EDN1: variants seen among roughly 807,000 people sequenced by gnomAD.
EDN1 encodes endothelin-1.
EDN1 carries 11 observed loss-of-function variants against 21.7 expected under a neutral mutation model. That is an observed-to-expected ratio of 0.51 (90% CI 0.32 to 0.84). EDN1 has a LOEUF of 0.84. Among genes scored for constraint, EDN1 ranks in the 40% least tolerant of loss-of-function variants. The pLI is 0.03. For missense variants in EDN1, 244 were observed against 262.3 expected, an observed-to-expected ratio of 0.93 and a Z score of 0.48; for synonymous variants, 85 against 90.6, an observed-to-expected ratio of 0.94 and a Z score of 0.35.
chr6:12,236,597 CT>C, the EDN1 span, among the ~76,000 whole-genome samples: 4 of 151,958 alleles, frequency 2.6e-5, no homozygotes, highest in Non-Finnish European at 5.9e-5. Context: ...TAGATTTTCA[CT>C]TTAAAAAGGG....
chr6:12,244,276 T>A, the EDN1 span, among the ~76,000 whole-genome samples: 1 of 152,238 alleles, frequency 6.6e-6, no homozygotes, highest in Non-Finnish European at 1.5e-5. Context: ...TGCCAGGTAA[T>A]GCATCAATCA....
At chr6:12,288,931 C>T (rs1237156989), upstream of EDN1, among the ~76,000 whole-genome samples, 1 of 152,164 alleles carries the variant, frequency 6.6e-6, no homozygotes, top group Non-Finnish European at 1.5e-5. Flanking sequence ...ATGGCATCCC[C>T]TGGGAAGAGA....
chr6:12,234,464 G>A, the EDN1 span, among the ~76,000 whole-genome samples: 1 of 152,208 alleles, frequency 6.6e-6, no homozygotes, highest in Admixed American at 6.5e-5. Context: ...AAACCACAGG[G>A]AAGTGTTTCT....
chr6:12,286,584 A>G (rs889974738), upstream of EDN1, among the ~76,000 whole-genome samples: 4 of 152,230 alleles, frequency 2.6e-5, no homozygotes, highest in South Asian at 2.1e-4. Flanking sequence ...TTGCTGAGCT[A>G]AATGCAACAT....
chr6:12,281,962 T>C, the EDN1 span, among the ~76,000 whole-genome samples: 1 of 152,050 alleles, frequency 6.6e-6, no homozygotes, highest in South Asian at 2.1e-4. Flanking sequence ...TTAAAAAAAA[T>C]GAAAAGCATA....
the EDN1 span, among the ~76,000 whole-genome samples, chr6:12,268,254 C>T: frequency 5.3e-5 from 8 of 152,108 alleles, no homozygotes; most frequent in African/African-American, 1.9e-4. Context: ...CCATAGACAG[C>T]GATTCCTCTG....
At chr6:12,290,258 A>G, upstream of EDN1, 1 of 267,552 alleles carries the variant, frequency 3.7e-6, no homozygotes, top group Non-Finnish European at 7.3e-6. Flanking sequence ...GTTGGTGACT[A>G]ATAACACAAT....
At chr6:12,287,712 T>TCA (rs66467626), upstream of EDN1, among the ~76,000 whole-genome samples, 1,106 of 103,060 alleles carry the variant, frequency 0.011, 11 homozygotes, top group Middle Eastern at 0.028. Context: ...TCTCTCTCTC[T>TCA]CACACACACA....
In EDN1 at chr6:12,292,453, G is replaced by T; in HGVS notation, c.177G>T (p.Met59Ile). The change falls in exon 2 of 5, where the codon ATG becomes ATT. Residue 59 changes from methionine to isoleucine, a missense_variant. By Grantham distance (10) the Met-to-Ile change is conservative (BLOSUM62 1). Transcript: ENST00000379375. ...RSKRCSCSSL[M>I]DKECVYFCHL... ...AGCGCTGCTCCTGCTCGTCCCTGAT[G>T]GATAAAGAGTGTGTCTACTTCTGCC... 2 of 1,614,232 alleles carry T rather than the reference G, an allele frequency of 1.2e-6. No individual in the cohort carries two copies. The highest frequency in any genetic ancestry group is 8.5e-7 in the Non-Finnish European group (1 of 1,180,046).
At chr6:12,294,466 G>A in intron 4 of EDN1, 62 bp downstream of exon 4, 2 of 1,593,716 alleles carry the variant, frequency 1.3e-6, no homozygotes, top group Admixed American at 1.7e-5. Context: ...CCCAGTCAGT[G>A]ATGCCAGCAG....
At chr6:12,267,820 A>G in the EDN1 span, among the ~76,000 whole-genome samples, 2 of 152,306 alleles carry the variant, frequency 1.3e-5, no homozygotes, top group Non-Finnish European at 2.9e-5. Context: ...CCTGGCTTCA[A>G]AGCTTCAAAG....
chr6:12,288,526 G>T (rs1762603929), upstream of EDN1, among the ~76,000 whole-genome samples: 1 of 123,308 alleles, frequency 8.1e-6, no homozygotes, highest in South Asian at 2.3e-4. Flanking sequence ...AGGGGCCCCG[G>T]CAGAGGCCCT....
chr6:12,252,807 G>A, the EDN1 span, among the ~76,000 whole-genome samples: 400 of 152,116 alleles, frequency 2.6e-3, no homozygotes, highest in Middle Eastern at 0.02. Flanking sequence ...AAGATACTAG[G>A]TATACAAAGA....
the EDN1 span, among the ~76,000 whole-genome samples, chr6:12,232,207 TAATA>T: frequency 4.1e-5 from 6 of 144,956 alleles, no homozygotes; most frequent in Non-Finnish European, 7.6e-5. Flanking sequence ...TAATATAATA[TAATA>T]AAGTATATGT....
At chr6:12,276,968 G>T in the EDN1 span, among the ~76,000 whole-genome samples, 2 of 152,142 alleles carry the variant, frequency 1.3e-5, no homozygotes, top group Non-Finnish European at 2.9e-5. Flanking sequence ...TTGGACATTT[G>T]CTTCTTCAGA....
chr6:12,238,467 A>G, the EDN1 span, among the ~76,000 whole-genome samples: 1 of 152,224 alleles, frequency 6.6e-6, no homozygotes, highest in Non-Finnish European at 1.5e-5. Context: ...GAAGAGCCAC[A>G]GACTCAGTGA....
the EDN1 span, among the ~76,000 whole-genome samples, chr6:12,234,889 G>C: frequency 6.6e-6 from 1 of 152,200 alleles, no homozygotes; most frequent in African/African-American, 2.4e-5. Flanking sequence ...CCAGACTCTA[G>C]ATCATTCATG....
chr6:12,231,352 G>C, the EDN1 span, among the ~76,000 whole-genome samples: 1 of 152,164 alleles, frequency 6.6e-6, no homozygotes, highest in Admixed American at 6.5e-5. Flanking sequence ...AACAGGAAAA[G>C]ATAAAAGCAT....
chr6:12,273,604 C>CTTTTTTTTTTTTT, the EDN1 span, among the ~76,000 whole-genome samples: 3 of 83,346 alleles, frequency 3.6e-5, no homozygotes, highest in African/African-American at 5.1e-5. Flanking sequence ...GTAGGCAGGA[C>CTTTTTTTTTTTTT]TTTTTTTTTT....
Sources: allele counts gnomAD v4.1 joint callset (sites outside exome capture counted in the v4.1 genomes callset), GRCh38; gene constraint gnomAD v4.1.1; transcripts MANE v1.5; gene names NCBI Gene and HGNC (gene_info 2026-07-23, HGNC 2026-07-21).